The following SLC35F3 variants were observed in gnomAD, a reference collection of about 807,000 sequenced individuals.
SLC35F3 encodes solute carrier family 35 member F3.
In SLC35F3, 25 loss-of-function variants were observed where a neutral mutation model predicts 49.9. The observed-to-expected ratio is 0.50, with a 90% CI of 0.37 to 0.70. The LOEUF (loss-of-function observed/expected upper bound fraction) is 0.70, where lower values mean the gene tolerates loss of function less well. SLC35F3 is among the 30% of genes least tolerant of loss of function. SLC35F3 has a pLI of 0.00. For missense variants in SLC35F3, 525 were observed against 639.8 expected, an observed-to-expected ratio of 0.82 and a Z score of 1.94; for synonymous variants, 275 against 265.4, an observed-to-expected ratio of 1.04 and a Z score of -0.35.
intron 2 of SLC35F3, among the ~76,000 whole-genome samples, chr1:234,163,184 G>T (rs1666256566): frequency 6.6e-6 from 1 of 152,200 alleles, no homozygotes. Context: ...ACTTTCATCA[G>T]TTTTGGTTTT....
At chr1:234,008,460 T>C (rs1663664408) in intron 2 of SLC35F3, among the ~76,000 whole-genome samples, 1 of 152,332 alleles carries the variant, frequency 6.6e-6, no homozygotes, top group African/African-American at 2.4e-5. Flanking sequence ...GTGTTCATTC[T>C]TTCATCCTTT....
intron 2 of SLC35F3, among the ~76,000 whole-genome samples, chr1:233,955,306 G>T (rs543283662): frequency 1.3e-5 from 2 of 152,220 alleles, no homozygotes; most frequent in East Asian, 3.9e-4. Flanking sequence ...ATTGATTAGA[G>T]TAGTTCAGCA....
chr1:234,194,822 A>G (rs1418119510), intron 2 of SLC35F3, among the ~76,000 whole-genome samples: 3 of 151,914 alleles, frequency 2.0e-5, no homozygotes, highest in Non-Finnish European at 2.9e-5. Flanking sequence ...GAATATTCCA[A>G]TTCAAACATG....
At position 234,231,709 on chromosome 1, in the gene SLC35F3, C is replaced by T; in HGVS notation, c.576C>T (p.Ser192=). The stretch of plus-strand genomic sequence containing the variant: ...ACTACGTGGGGCACGTCTGCAAGTC[C>T]ACAGAGAAGCAGTCTGTGAAGCAGC... The part of the protein sequence containing the change: ...PLYYVGHVCK[S]TEKQSVKQRY... Residue 192 remains serine (S), a synonymous_variant, in exon 3 of 8, where the codon TCC becomes TCT. Transcript: ENST00000366618. This position sits in a 1 kb window ranked among gnomAD's most constrained non-coding sequence, Gnocchi z 5.4. 6.2e-7 allele frequency: 1 copy of T among 1,613,120 alleles called. No homozygotes were observed. The highest frequency in any genetic ancestry group is 1.7e-4 in the Middle Eastern group (1 of 6,056).
At chr1:233,926,490 T>G (rs1242739604) in intron 2 of SLC35F3, among the ~76,000 whole-genome samples, 2 of 152,300 alleles carry the variant, frequency 1.3e-5, no homozygotes, top group East Asian at 3.9e-4. Context: ...CTTCAGGTCA[T>G]TTAAGGTCTT....
chr1:234,007,013 C>T (rs1488242243), intron 2 of SLC35F3, among the ~76,000 whole-genome samples: 1 of 152,096 alleles, frequency 6.6e-6, no homozygotes, highest in African/African-American at 2.4e-5. Flanking sequence ...TTTGTCACAA[C>T]TCTGCTGCTG....
At chr1:234,120,876 A>G (rs1665560279) in intron 2 of SLC35F3, among the ~76,000 whole-genome samples, 1 of 152,154 alleles carries the variant, frequency 6.6e-6, no homozygotes, top group Non-Finnish European at 1.5e-5. Context: ...TAAATCTAGC[A>G]TTTGCTAAAT....
rs574733380 is a variant in SLC35F3 at position 234,075,975 on chromosome 1, A to G, written c.284-155442A>G. ...TTCCATTTAAATATTGAAGCCCTGG[A>G]GTTCAGCTTTGGAGAAAGGCACAGA... On this transcript the variant is annotated intron_variant, in intron 2 of 7. Coordinates refer to ENST00000366618, the MANE Select transcript of SLC35F3 (RefSeq NM_173508.4). Among the ~76,000 whole-genome samples the G allele has an allele frequency of 2.0e-5, 3 of 152,006 alleles. No individual in the cohort carries two copies. The South Asian group carries it at 6.2e-4, about 32-fold the overall frequency.
At chr1:234,297,497 A>T (rs1668621859) in intron 3 of SLC35F3, among the ~76,000 whole-genome samples, 1 of 152,234 alleles carries the variant, frequency 6.6e-6, no homozygotes, top group African/African-American at 2.4e-5. Flanking sequence ...ACATCGATGG[A>T]CTTAGAGGAC....
At position 234,306,298 on chromosome 1, in the gene SLC35F3, T is replaced by C. The variant is rs183691938; in HGVS notation, c.609-2803T>C. Reference sequence around the variant, plus strand: ...GCCTCAGGCTCCCGAGTAGCTGGGATTACCGGTGCTCACCACCATGCCTGA... The same window carrying C: ...GCCTCAGGCTCCCGAGTAGCTGGGACTACCGGTGCTCACCACCATGCCTGA... On this transcript the variant is annotated intron_variant, in intron 3 of 7. Coordinates refer to ENST00000366618, the MANE Select transcript of SLC35F3 (RefSeq NM_173508.4). Among the ~76,000 whole-genome samples, 541 of 152,200 alleles carry C rather than the reference T, an allele frequency of 3.6e-3. 5 individuals carry two copies. Among genetic ancestry groups the C allele is most frequent in the African/African-American group, 0.012 (514 of 41,528 alleles).
At position 234,088,157 on chromosome 1, in the gene SLC35F3, TTTGTTG is replaced by T. The variant is rs943069159; in HGVS notation, c.284-143248_284-143243del. Among the ~76,000 whole-genome samples, 7 of 152,200 alleles carry T rather than the reference TTTGTTG, an allele frequency of 4.6e-5. No individual in the cohort carries two copies. In the East Asian group the frequency reaches 1.4e-3, roughly 29 times the overall value. On this transcript the variant is annotated intron_variant, in intron 2 of 7. Transcript: ENST00000366618. ...AGATAGAAGGTACTCAGTAAACAGT[TTTGTTG>T]TTGTTGTTGTTTTGAGACAGAGTCT...
intron 2 of SLC35F3, among the ~76,000 whole-genome samples, chr1:233,940,569 CAG>C (rs1349493278): frequency 6.6e-6 from 1 of 152,228 alleles, no homozygotes; most frequent in Non-Finnish European, 1.5e-5. Flanking sequence ...GGTTCCTAAA[CAG>C]AAGCCAATCC....
intron 2 of SLC35F3, among the ~76,000 whole-genome samples, chr1:234,183,889 T>G (rs1666596628): frequency 7.0e-6 from 1 of 143,190 alleles, no homozygotes; most frequent in African/African-American, 2.4e-5. Context: ...ACAACATTCC[T>G]TTGTTGAATA....
At chr1:234,274,161 T>C (rs945572546) in intron 3 of SLC35F3, 1 of 152,240 alleles carries the variant, frequency 6.6e-6, no homozygotes, top group Non-Finnish European at 1.5e-5. Context: ...CTTATTGGAA[T>C]TTCCAGGCAG....
At chr1:234,227,592 G>T (rs953211032) in intron 2 of SLC35F3, among the ~76,000 whole-genome samples, 1 of 151,946 alleles carries the variant, frequency 6.6e-6, no homozygotes, top group Admixed American at 6.6e-5. Flanking sequence ...GAGAGACGGG[G>T]TTTCACCATG....
rs1667385372 is a variant in SLC35F3, at chr1:234,231,896, G to T, written c.608+155G>T. Reference sequence around the variant, plus strand: ...AATGCACCTGCTCTCAGTGGGGTCGGGAGCAGAATTCTGTCTACCCTGGGT... The same window carrying T: ...AATGCACCTGCTCTCAGTGGGGTCGTGAGCAGAATTCTGTCTACCCTGGGT... On this transcript the variant is annotated intron_variant, in intron 3 of 7. Transcript: ENST00000366618. The surrounding 1 kb of genome is among the most constrained non-coding windows in gnomAD (Gnocchi z 5.4). 6.6e-6 allele frequency among the ~76,000 whole-genome samples: 1 copy of T among 152,166 alleles called. No individual in the cohort carries two copies. Among genetic ancestry groups the T allele is most frequent in the Non-Finnish European group, 1.5e-5 (1 of 68,034 alleles).
At chr1:233,956,726 C>A (rs568016153) in intron 2 of SLC35F3, among the ~76,000 whole-genome samples, 1 of 152,232 alleles carries the variant, frequency 6.6e-6, no homozygotes, top group Non-Finnish European at 1.5e-5. Flanking sequence ...TCCATTACCC[C>A]TCCAAGGGGG....
chr1:234,079,938 AT>A (rs1664849607), intron 2 of SLC35F3, among the ~76,000 whole-genome samples: 1 of 152,132 alleles, frequency 6.6e-6, no homozygotes, highest in Non-Finnish European at 1.5e-5. Flanking sequence ...AACGCTAGAG[AT>A]TTCTTGAGTG....
chr1:234,128,201 G>A (rs1218661321), intron 2 of SLC35F3, among the ~76,000 whole-genome samples: 1 of 152,184 alleles, frequency 6.6e-6, no homozygotes, highest in African/African-American at 2.4e-5. Flanking sequence ...AAGCGAGAAG[G>A]TCCAAGACAC....
Sources: allele counts gnomAD v4.1 joint callset (sites outside exome capture counted in the v4.1 genomes callset), GRCh38; gene constraint gnomAD v4.1.1; non-coding constraint Gnocchi (gnomAD v3.1); transcripts MANE v1.5; gene names NCBI Gene and HGNC (gene_info 2026-07-23, HGNC 2026-07-21).